The following WASHC4 variants were observed in gnomAD, a reference collection of about 807,000 sequenced individuals.
WASHC4 encodes the protein WASH complex subunit 7.
WASHC4 carries 86 observed loss-of-function variants against 166.6 expected under a neutral mutation model. The observed-to-expected ratio is 0.52, with a 90% confidence interval of 0.43 to 0.62. WASHC4 has a LOEUF of 0.62. WASHC4 is among the 20% of genes least tolerant of loss of function. WASHC4 has a pLI of 0.00. For missense variants in WASHC4, 1,262 were observed against 1,382.4 expected, an observed-to-expected ratio of 0.91 and a Z score of 1.38; for synonymous variants, 446 against 451.6, an observed-to-expected ratio of 0.99 and a Z score of 0.16.
In WASHC4 at chr12:105,120,543, A is replaced by G; in HGVS notation, c.519-12A>G. 3 of 1,564,218 alleles carry G rather than the reference A, an allele frequency of 1.9e-6. No individual in the cohort carries two copies. The highest frequency in any genetic ancestry group is 8.8e-7 in the Non-Finnish European group (1 of 1,135,084). On this transcript the variant is annotated splice_polypyrimidine_tract_variant and intron_variant, in intron 7 of 32. Transcript: ENST00000332180. ...GGAAGTTTTTTTTAACTTGGTTGTT[A>G]TTTTATTATAGGATTGCACCCAAAA...
intron 32 of WASHC4, among the ~76,000 whole-genome samples, chr12:105,164,997 AC>A (rs1884724470): frequency 6.6e-6 from 1 of 152,228 alleles, no homozygotes; most frequent in Non-Finnish European, 1.5e-5. Flanking sequence ...TAATTTAAAT[AC>A]ACTTTTCACA....
chr12:105,128,331 G>A (rs908781500), intron 13 of WASHC4, among the ~76,000 whole-genome samples: 3 of 152,202 alleles, frequency 2.0e-5, no homozygotes, highest in Admixed American at 6.5e-5. Context: ...AGATTAAAGA[G>A]CTGAATTAAG....
Position 105,126,027 on chromosome 12 carries a change from T to C in WASHC4, c.810T>C (p.Asp270=). ...IFQACIEQQF[D]SLNGGVSVSK... The stretch of plus-strand genomic sequence containing the variant: ...AGGCCTGTATAGAACAACAATTTGA[T>C]TCTCTCAATGGAGGAGTATCTGTGT... Residue 270 remains aspartate (D), a synonymous_variant, in exon 11 of 33, where the codon GAT becomes GAC. Transcript: ENST00000332180. 2 of 1,612,674 alleles carry C rather than the reference T, an allele frequency of 1.2e-6. No individual in the cohort carries two copies. Among genetic ancestry groups the C allele is most frequent in the Non-Finnish European group, 1.7e-6 (2 of 1,178,998 alleles).
chr12:105,153,267 G>C (rs974550881), intron 26 of WASHC4, among the ~76,000 whole-genome samples: 1 of 152,132 alleles, frequency 6.6e-6, no homozygotes, highest in African/African-American at 2.4e-5. Flanking sequence ...CTAAGCATCT[G>C]TTATGCCACA....
At chr12:105,149,552 T>C in intron 24 of WASHC4, 63 bp from the exon 25 acceptor site, 2 of 1,154,940 alleles carry the variant, frequency 1.7e-6, no homozygotes, top group East Asian at 2.7e-5. Flanking sequence ...AAAATTTATT[T>C]GAATTGATTT....
At chr12:105,125,869 C>T (rs1330212913) in intron 10 of WASHC4, 135 bp from the exon 11 acceptor site, 1 of 811,222 alleles carries the variant, frequency 1.2e-6, no homozygotes, top group East Asian at 2.8e-5. Flanking sequence ...GATTAAGAAC[C>T]TGAGCTTTAG....
chr12:105,123,745 G>T (rs961477668), intron 10 of WASHC4, among the ~76,000 whole-genome samples: 2 of 152,210 alleles, frequency 1.3e-5, no homozygotes, highest in African/African-American at 2.4e-5. Context: ...TGATAGAGGT[G>T]GCCACACTTA....
rs1375799300 is a variant in WASHC4, at chr12:105,130,832, A to G, written c.1200-2938A>G. Among the ~76,000 whole-genome samples, 3 of 152,336 alleles carry G rather than the reference A, an allele frequency of 2.0e-5. No individual in the cohort carries two copies. In the East Asian group the frequency reaches 5.8e-4, roughly 29 times the overall value. ...CACAACCACTTTAACACTGGAAAAT[A>G]CTGCCTTTAGAGGACAGAGGTCTGA... is the stretch of plus-strand genomic sequence containing the variant. On this transcript the variant is annotated intron_variant, in intron 13 of 32. Transcript: ENST00000332180.
chr12:105,139,886 G>T (rs942700780), intron 15 of WASHC4, among the ~76,000 whole-genome samples: 5 of 142,542 alleles, frequency 3.5e-5, no homozygotes, highest in Middle Eastern at 3.6e-3. Flanking sequence ...TACTTTGTAA[G>T]TTTTTTTTTT....
chr12:105,163,290 G>A (rs1184512597), intron 30 of WASHC4, among the ~76,000 whole-genome samples: 14 of 152,096 alleles, frequency 9.2e-5, no homozygotes, highest in African/African-American at 1.2e-4. Flanking sequence ...GTTGTTTACC[G>A]TGTTTTTAGC....
chr12:105,135,504 A>G (rs1882237293), intron 14 of WASHC4, among the ~76,000 whole-genome samples: 1 of 151,178 alleles, frequency 6.6e-6, no homozygotes, highest in African/African-American at 2.4e-5. Flanking sequence ...TAAAATATGT[A>G]TCTTTCTTTA....
chr12:105,146,913 C>T (rs907593529), intron 23 of WASHC4, 129 bp from the exon 24 acceptor site: 3 of 708,014 alleles, frequency 4.2e-6, no homozygotes, highest in Non-Finnish European at 7.8e-6. Context: ...CTCACCTGTA[C>T]TGTCTTGATT....
In WASHC4 at chr12:105,143,151, T is replaced by C. The variant is rs1256438167; in HGVS notation, c.1918T>C (p.Cys640Arg). ...LHYMFSALRDCVPAMMHARHL... is the reference protein window; with the variant it reads ...LHYMFSALRDRVPAMMHARHL... Reference sequence around the variant, plus strand: ...GTACATGTTCAGTGCTTTGCGCGACTGTGTACCTGCTATGATGCATGCAAG... The same window carrying C: ...GTACATGTTCAGTGCTTTGCGCGACCGTGTACCTGCTATGATGCATGCAAG... The change falls in exon 20 of 33, where the codon TGT becomes CGT. Residue 640 changes from cysteine to arginine, a missense_variant. By Grantham distance (180) the Cys-to-Arg change is radical. Coordinates refer to ENST00000332180, the MANE Select transcript of WASHC4 (RefSeq NM_015275.3). 6.2e-7 allele frequency: 1 copy of C among 1,610,766 alleles called. No individual in the cohort carries two copies.
chr12:105,148,892 A>G (rs1883516947), intron 24 of WASHC4: 1 of 985,358 alleles, frequency 1.0e-6, no homozygotes, highest in Non-Finnish European at 1.2e-6. Flanking sequence ...TTACTGTGCT[A>G]TTTTGACTTT....
In WASHC4 at chr12:105,142,464, A is replaced by C; in HGVS notation, c.1799A>C (p.Gln600Pro). The change falls in exon 19 of 33, where the codon CAA becomes CCA. Residue 600 changes from glutamine (Q) to proline (P), a missense_variant. Physicochemically the swap from Gln to Pro is moderately conservative, Grantham distance 76. Transcript: ENST00000332180. ...ACTTTACATTGTAGAGTCCAAACACAATGTGACTGTTGTTTTTTATACTGG... is the reference window on the plus strand; with the variant it reads ...ACTTTACATTGTAGAGTCCAAACACCATGTGACTGTTGTTTTTTATACTGG... ...ISELRERVQT[Q>P]CDCCFLYWHR... The C allele has an allele frequency of 6.2e-7, 1 of 1,602,064 alleles. No individual in the cohort carries two copies.
Position 105,149,753 on chromosome 12 carries a change from G to T in WASHC4, c.2649+4G>T. On this transcript the variant is annotated splice_donor_region_variant and intron_variant, in intron 25 of 32. Transcript: ENST00000332180. ...TAAGGACCAAAATGATCATAAGGTA[G>T]GCTACCTATTCTTTTTAAGGTATTT... 6.3e-7 allele frequency: 1 copy of T among 1,592,132 alleles called. No homozygotes were observed. Among genetic ancestry groups the T allele is most frequent in the South Asian group, 1.1e-5 (1 of 88,782 alleles).
chr12:105,129,779 G>C (rs576684766), intron 13 of WASHC4, among the ~76,000 whole-genome samples: 1 of 152,222 alleles, frequency 6.6e-6, no homozygotes, highest in Non-Finnish European at 1.5e-5. Flanking sequence ...TGTGGCTCCA[G>C]TAGGCTAAAC....
intron 7 of WASHC4, among the ~76,000 whole-genome samples, chr12:105,119,954 G>C (rs1241446997): frequency 6.6e-6 from 1 of 152,258 alleles, no homozygotes; most frequent in African/African-American, 2.4e-5. Context: ...TTGGAGGCTG[G>C]GCGCGGTGGC....
chr12:105,156,872 T>C, intron 27 of WASHC4, 80 bp downstream of exon 27: 7 of 989,538 alleles, frequency 7.1e-6, no homozygotes, highest in South Asian at 2.5e-5. Context: ...ACAAGTGATA[T>C]TGTAGATAAG....
Sources: gnomAD v4.1 joint callset for allele counts (sites outside exome capture counted in the v4.1 genomes callset) on GRCh38, gnomAD v4.1.1 for gene constraint, MANE v1.5 for transcripts, NCBI Gene and HGNC (gene_info 2026-07-23, HGNC 2026-07-21) for gene names.